The following ZCCHC2 variants were observed in gnomAD, a reference collection of about 807,000 sequenced individuals.
The protein encoded by ZCCHC2 is zinc finger CCHC domain-containing protein 2.
A neutral mutation model predicts 103.6 loss-of-function variants in ZCCHC2; 39 were observed. That is an observed-to-expected ratio of 0.38 (90% CI 0.29 to 0.49). ZCCHC2 has a LOEUF of 0.49. Ranked by LOEUF, ZCCHC2 falls within the 20% of genes least tolerant of loss-of-function variation. The probability of loss-of-function intolerance (pLI) is 0.96; values close to 1 mark genes in which losing one functional copy is unlikely to be tolerated. For synonymous variants in ZCCHC2, 687 were observed against 608.9 expected (o/e 1.13, Z -1.89); for missense variants, 1,483 against 1,491.0 (o/e 0.99, Z 0.09).
rs751177266 is a variant in ZCCHC2, at chr18:62,560,580, C to A, written c.1493-7C>A. The stretch of plus-strand genomic sequence containing the variant: ...AGTGTAATAAGTTACTTTTTCCTCT[C>A]TTCTAGATGTGTTGCAGCATGCCAT... On this transcript the variant is annotated splice_polypyrimidine_tract_variant and splice_region_variant and intron_variant, in intron 7 of 13. Coordinates refer to ENST00000269499, the MANE Select transcript of ZCCHC2 (RefSeq NM_017742.6). 1.2e-6 allele frequency: 2 copies of A among 1,612,780 alleles called. No homozygotes were observed. The highest frequency in any genetic ancestry group is 1.7e-6 in the Non-Finnish European group (2 of 1,179,212).
intron 5 of ZCCHC2, among the ~76,000 whole-genome samples, chr18:62,553,156 ATG>A (rs142422088): frequency 0.19 from 26,261 of 139,422 alleles, 2,319 homozygotes; most frequent in East Asian, 0.32. Context: ...CCTTAGATTT[ATG>A]TGTGTGTGTG....
chr18:62,574,091 A>C lies in ZCCHC2; in HGVS notation c.2010A>C (p.Pro670=), dbSNP rs188814595. Residue 670 remains proline (P), a synonymous_variant, in exon 13 of 14, where the codon CCA becomes CCC. Transcript: ENST00000269499. ...GCAATTCTGAGGATTCTGGGAATCC[A>C]TCAACAACTAGGTTTACAGGTTACG... The part of the protein sequence containing the change: ...TDSNSEDSGN[P]STTRFTGYGS... 3.0e-5 allele frequency: 49 copies of C among 1,613,760 alleles called. No homozygotes were observed. Among genetic ancestry groups the C allele is most frequent in the Middle Eastern group, 1.6e-4 (1 of 6,084 alleles).
Position 62,574,055 on chromosome 18 carries a change from A to G in ZCCHC2, c.1976-2A>G. 6.2e-7 allele frequency: 1 copy of G among 1,610,096 alleles called. No homozygotes were observed. Among genetic ancestry groups the G allele is most frequent in the East Asian group, 2.2e-5 (1 of 44,852 alleles). ...ATATCTCTTTATGTTTGTTTTCTTT[A>G]GACACAGACAGCAATTCTGAGGATT... On this transcript the variant is annotated splice_acceptor_variant, in intron 12 of 13. Coordinates refer to ENST00000269499, the MANE Select transcript of ZCCHC2 (RefSeq NM_017742.6). LOFTEE classifies it high-confidence loss of function.
chr18:62,561,896 ACTT>A (rs531326530), intron 8 of ZCCHC2, among the ~76,000 whole-genome samples: 14 of 152,268 alleles, frequency 9.2e-5, no homozygotes, highest in African/African-American at 3.4e-4. Flanking sequence ...CTAGCTTTTT[ACTT>A]CTTCAAATAT....
intron 2 of ZCCHC2, among the ~76,000 whole-genome samples, chr18:62,540,567 CG>C (rs757617471): frequency 1.3e-5 from 2 of 151,894 alleles, no homozygotes; most frequent in African/African-American, 2.4e-5. Flanking sequence ...AAGACGATCA[CG>C]GTACTCCTAT....
At position 62,524,126 on chromosome 18, in the gene ZCCHC2, C is replaced by T. The variant is rs1914220712; in HGVS notation, c.702C>T (p.Asp234=). ...DGDGEQDAEK[D]GSGPEGGIVE... is the part of the protein sequence containing the mutation. ...ACGGCGAGCAGGACGCCGAGAAGGA[C>T]GGCTCAGGCCCGGAAGGCGGCATTG... is the stretch of plus-strand genomic sequence containing the variant. Residue 234 remains aspartate, a synonymous_variant, in exon 1 of 14, where the codon GAC becomes GAT. Coordinates refer to ENST00000269499, the MANE Select transcript of ZCCHC2 (RefSeq NM_017742.6). The T allele has an allele frequency of 6.5e-7, 1 of 1,532,896 alleles. No individual in the cohort carries two copies. The highest frequency in any genetic ancestry group is 8.8e-7 in the Non-Finnish European group (1 of 1,142,700). The allele number at this position is 1,532,896 out of a possible 1,614,324, so 95.0% of individuals were successfully genotyped here.
chr18:62,570,781 T>C (rs1433983303), intron 12 of ZCCHC2, among the ~76,000 whole-genome samples: 2 of 152,246 alleles, frequency 1.3e-5, no homozygotes, highest in Non-Finnish European at 2.9e-5. Context: ...ATTATGGTTT[T>C]TTATTCATTC....
At chr18:62,557,388 T>C (rs1218651774) in intron 6 of ZCCHC2, among the ~76,000 whole-genome samples, 2 of 152,204 alleles carry the variant, frequency 1.3e-5, no homozygotes, top group Non-Finnish European at 2.9e-5. Flanking sequence ...AAAACACATA[T>C]TTCCTCAATT....
chr18:62,547,774 C>G (rs1386929698), intron 4 of ZCCHC2, among the ~76,000 whole-genome samples: 5 of 152,090 alleles, frequency 3.3e-5, no homozygotes, highest in African/African-American at 4.8e-5. Flanking sequence ...GTTGCCCAGG[C>G]TGATCTTGAA....
chr18:62,563,262 T>C (rs1916204678), intron 9 of ZCCHC2, 118 bp downstream of exon 9: 2 of 1,262,766 alleles, frequency 1.6e-6, no homozygotes, highest in Middle Eastern at 2.4e-4. Context: ...TGAAGGAATG[T>C]TTAAGTTTTA....
At chr18:62,527,259 C>T (rs1914469893) in intron 1 of ZCCHC2, among the ~76,000 whole-genome samples, 1 of 152,056 alleles carries the variant, frequency 6.6e-6, no homozygotes, top group Non-Finnish European at 1.5e-5. Flanking sequence ...ACTGAATCAG[C>T]TTGTCTATTA....
Position 62,576,660 on chromosome 18 carries a change from GT to G in ZCCHC2, c.*84del. Reference sequence around the variant, plus strand: ...GAGGGGAGGAAAGGAAAGGTATTTTGTTTCTTTGTCTATACATTTCCTAGAT... The same window carrying G: ...GAGGGGAGGAAAGGAAAGGTATTTTGTTCTTTGTCTATACATTTCCTAGAT... On this transcript the variant is annotated 3_prime_UTR_variant, in exon 14 of 14. Coordinates refer to ENST00000269499, the MANE Select transcript of ZCCHC2 (RefSeq NM_017742.6). 1 of 1,368,462 alleles carries G rather than the reference GT, an allele frequency of 7.3e-7. No homozygotes were observed. The highest frequency in any genetic ancestry group is 1.0e-6 in the Non-Finnish European group (1 of 980,950). 84.8% of individuals were successfully genotyped at this position (1,368,462 alleles called of 1,614,324 possible).
rs34072948 is a variant in ZCCHC2, at chr18:62,576,844, CTTTTT to C, written c.*277_*281del. Reference sequence around the variant, plus strand: ...AGACAAACTTAAATGTTGGTGCGTGCTTTTTTTTTTTTTTTTACACTGAATACTTG... The same window carrying C: ...AGACAAACTTAAATGTTGGTGCGTGCTTTTTTTTTTTACACTGAATACTTG... On this transcript the variant is annotated 3_prime_UTR_variant, in exon 14 of 14. Coordinates refer to ENST00000269499, the MANE Select transcript of ZCCHC2 (RefSeq NM_017742.6). 95 of 214,468 alleles carry C rather than the reference CTTTTT, an allele frequency of 4.4e-4. No homozygotes were observed. Among genetic ancestry groups the C allele is most frequent in the South Asian group, 1.0e-3 (13 of 12,668 alleles). The allele number at this position is 214,468 out of a possible 1,614,324, so 13.3% of individuals were successfully genotyped here.
exon 15 of ZCCHC2, chr18:62,585,381 C>G (rs1917143686): frequency 6.6e-6 from 1 of 152,216 alleles, no homozygotes; most frequent in Non-Finnish European, 1.5e-5. Context: ...CCAGGTACCC[C>G]TGCTGCCCCC....
In ZCCHC2 at chr18:62,523,961, G is replaced by A. The variant is rs1241665158; in HGVS notation, c.537G>A (p.Leu179=). 5 of 1,505,316 alleles carry A rather than the reference G, an allele frequency of 3.3e-6. 1 individual carries two copies. In the South Asian group the frequency reaches 3.8e-5, roughly 11 times the overall value. 93.2% of individuals were successfully genotyped at this position (1,505,316 alleles called of 1,614,324 possible). A position where few individuals can be genotyped will look rare whatever the true frequency, so the allele number is the denominator to read the frequency against. Residue 179 remains leucine (L), a synonymous_variant, in exon 1 of 14, where the codon CTG becomes CTA. Transcript: ENST00000269499. ...CGCGCCTCATCGTCTACCTGGCGCT[G>A]CTGGGCTCGGAGAACCGGGAGGCCG... is the stretch of plus-strand genomic sequence containing the variant. ...VRSRLIVYLA[L]LGSENREAAG...
At chr18:62,558,266 G>T (rs1045614085) in intron 6 of ZCCHC2, among the ~76,000 whole-genome samples, 12 of 152,292 alleles carry the variant, frequency 7.9e-5, no homozygotes, top group Admixed American at 5.9e-4. Context: ...ATTGAGAGCA[G>T]ACACTGAGAG....
chr18:62,542,617 C>T (rs891119268), intron 3 of ZCCHC2, 43 bp downstream of exon 3: 4 of 1,496,672 alleles, frequency 2.7e-6, no homozygotes, highest in Admixed American at 4.2e-5. Context: ...GTGCTGTGCT[C>T]AATGATCTTT....
intron 6 of ZCCHC2, among the ~76,000 whole-genome samples, chr18:62,557,303 G>A (rs1300923144): frequency 6.6e-6 from 1 of 152,130 alleles, no homozygotes; most frequent in East Asian, 1.9e-4. Context: ...GCTATGGCAA[G>A]GAACATTTTT....
intron 11 of ZCCHC2, 49 bp from the exon 12 acceptor site, chr18:62,570,054 A>G: frequency 6.7e-7 from 1 of 1,493,882 alleles, no homozygotes. Context: ...TTAGAAATTA[A>G]TTTAAAATGA....
Sources: allele counts gnomAD v4.1 joint callset (sites outside exome capture counted in the v4.1 genomes callset), GRCh38; gene constraint gnomAD v4.1.1; transcripts MANE v1.5; gene names NCBI Gene and HGNC (gene_info 2026-07-23, HGNC 2026-07-21).